The following RCSD1 variants were observed in gnomAD, a reference collection of about 807,000 sequenced individuals.
The protein encoded by RCSD1 is RCSD domain containing 1.
A neutral mutation model predicts 42.5 loss-of-function variants in RCSD1; 26 were observed. The ratio of observed to expected loss-of-function variants is 0.61; its 90% CI spans 0.45 to 0.85. The LOEUF is 0.85. RCSD1 is among the 40% of genes least tolerant of loss of function. RCSD1 has a pLI of 0.00. For missense variants in RCSD1, 571 were observed against 528.3 expected (o/e 1.08, Z -0.79); for synonymous variants, 220 against 212.2 (o/e 1.04, Z -0.32).
intron 1 of RCSD1, among the ~76,000 whole-genome samples, chr1:167,683,071 C>T (rs937528921): frequency 5.9e-5 from 9 of 152,144 alleles, no homozygotes; most frequent in African/African-American, 2.2e-4. Flanking sequence ...AAATGGTGTC[C>T]TGGGGTGCAT....
At chr1:167,659,442 G>A (rs1479935588) in intron 1 of RCSD1, among the ~76,000 whole-genome samples, 2 of 152,002 alleles carry the variant, frequency 1.3e-5, no homozygotes, top group East Asian at 3.8e-4. Context: ...ATAGTTTCTG[G>A]GAGTTTTCCC....
chr1:167,685,900 G>A lies in RCSD1; in HGVS notation c.198+390G>A, dbSNP rs557364001. 5.3e-5 allele frequency among the ~76,000 whole-genome samples: 8 copies of A among 152,290 alleles called. No individual in the cohort carries two copies. The East Asian group carries it at 1.2e-3, about 22-fold the overall frequency. On this transcript the variant is annotated intron_variant, in intron 3 of 6. Transcript: ENST00000367854. ...TGTGGAGAAGGTACCTGGAAAGGGG[G>A]CTACACTTACATAGGGCAGGACGGA...
chr1:167,699,162 G>T (rs891830210), intron 6 of RCSD1, among the ~76,000 whole-genome samples: 1 of 152,066 alleles, frequency 6.6e-6, no homozygotes, highest in South Asian at 2.1e-4. Context: ...CCATTCTCTG[G>T]ACAGCAACCA....
chr1:167,683,707 C>G (rs1659141832), intron 1 of RCSD1, among the ~76,000 whole-genome samples, 193 bp from the exon 2 acceptor site: 1 of 152,132 alleles, frequency 6.6e-6, no homozygotes, highest in Non-Finnish European at 1.5e-5. Flanking sequence ...CACCCCGGGC[C>G]AAGAGCATTG....
At chr1:167,683,079 C>T (rs577726812) in intron 1 of RCSD1, among the ~76,000 whole-genome samples, 58 of 152,318 alleles carry the variant, frequency 3.8e-4, no homozygotes, top group African/African-American at 1.3e-3. Context: ...TCCTGGGGTG[C>T]ATCTTGGCCT....
rs1659747817 is a variant in RCSD1 at position 167,705,929 on chromosome 1, T to G, written c.*1233T>G. The G allele has an allele frequency of 6.6e-6, 1 of 152,198 alleles. No individual in the cohort carries two copies. Among genetic ancestry groups the G allele is most frequent in the Non-Finnish European group, 1.5e-5 (1 of 68,044 alleles). The allele number at this position is 152,198 out of a possible 1,614,324, so 9.4% of individuals were successfully genotyped here. ...AACTTAGGGTCGGTCCTTATTCTGA[T>G]TTGAGTATTTTAATGTCTCAGTGTG... On this transcript the variant is annotated 3_prime_UTR_variant, in exon 7 of 7. Transcript: ENST00000367854.
At chr1:167,647,421 G>A (rs1371705276) in intron 1 of RCSD1, among the ~76,000 whole-genome samples, 3 of 137,684 alleles carry the variant, frequency 2.2e-5, no homozygotes, top group Admixed American at 1.4e-4. Context: ...AGACCCCATC[G>A]CTACAAAAAA....
chr1:167,691,856 G>A (rs1315047586), intron 4 of RCSD1, among the ~76,000 whole-genome samples: 1 of 152,172 alleles, frequency 6.6e-6, no homozygotes, highest in Non-Finnish European at 1.5e-5. Flanking sequence ...CACTCCAGGA[G>A]GCTGCAGGGC....
intron 4 of RCSD1, among the ~76,000 whole-genome samples, chr1:167,692,542 A>G (rs1320811302): frequency 6.6e-6 from 1 of 151,346 alleles, no homozygotes; most frequent in Non-Finnish European, 1.5e-5. Context: ...TTTTTTAGAC[A>G]AGGTCTTGCT....
intron 1 of RCSD1, among the ~76,000 whole-genome samples, chr1:167,671,168 A>G (rs1658797951): frequency 6.6e-6 from 1 of 152,204 alleles, no homozygotes; most frequent in Non-Finnish European, 1.5e-5. Context: ...TCTCATTAAT[A>G]GCCACTGAGT....
In RCSD1 at chr1:167,697,815, G is replaced by A. The variant is rs764349660; in HGVS notation, c.1191G>A (p.Gln397=). The change falls in exon 6 of 7, where the codon CAG becomes CAA. Residue 397 remains glutamine (Q), a synonymous_variant. Coordinates refer to ENST00000367854, the MANE Select transcript of RCSD1 (RefSeq NM_052862.4). ...AGCTGGAGACCAGCAGTGAGGTCCA[G>A]AGCGAGCCAGCAGTCCCCAAGCCGG... ...PAQLETSSEV[Q]SEPAVPKPED... 5 of 1,467,966 alleles carry A rather than the reference G, an allele frequency of 3.4e-6. No individual in the cohort carries two copies. The highest frequency in any genetic ancestry group is 1.8e-6 in the Non-Finnish European group (2 of 1,109,636). The allele number at this position is 1,467,966 out of a possible 1,614,324, so 90.9% of individuals were successfully genotyped here.
intron 1 of RCSD1, among the ~76,000 whole-genome samples, chr1:167,643,078 A>G (rs1014733153): frequency 2.6e-5 from 4 of 152,222 alleles, no homozygotes; most frequent in African/African-American, 9.6e-5. Context: ...TGTAAAACCG[A>G]TACCTGCTTT....
At chr1:167,683,819 C>A in intron 1 of RCSD1, 81 bp from the exon 2 acceptor site, 1 of 1,293,170 alleles carries the variant, frequency 7.7e-7, no homozygotes, top group Non-Finnish European at 1.1e-6. Flanking sequence ...AGCATTCCTG[C>A]TTGCAGCCAC....
At chr1:167,682,668 A>T (rs1489350482) in intron 1 of RCSD1, among the ~76,000 whole-genome samples, 1 of 142,618 alleles carries the variant, frequency 7.0e-6, no homozygotes, top group Non-Finnish European at 1.5e-5. Context: ...GCCATGGAAG[A>T]GTGTGTGTGT....
At chr1:167,669,566 T>C (rs1658752316) in intron 1 of RCSD1, among the ~76,000 whole-genome samples, 1 of 152,260 alleles carries the variant, frequency 6.6e-6, no homozygotes, top group Non-Finnish European at 1.5e-5. Flanking sequence ...GCAAAGTGGC[T>C]TCCTCTTTGG....
chr1:167,700,916 G>A (rs1054065187), intron 6 of RCSD1, among the ~76,000 whole-genome samples: 1 of 152,170 alleles, frequency 6.6e-6, no homozygotes, highest in African/African-American at 2.4e-5. Flanking sequence ...TTCCAATCCT[G>A]AAGGGTTGAA....
intron 1 of RCSD1, among the ~76,000 whole-genome samples, chr1:167,643,947 G>T (rs1221599170): frequency 2.0e-5 from 3 of 152,198 alleles, no homozygotes; most frequent in African/African-American, 7.2e-5. Context: ...TTCTCCTCCA[G>T]CCTGAGAGTT....
At chr1:167,666,313 T>C (rs1327509281) in intron 1 of RCSD1, among the ~76,000 whole-genome samples, 1 of 152,170 alleles carries the variant, frequency 6.6e-6, no homozygotes, top group Non-Finnish European at 1.5e-5. Flanking sequence ...AGGAGATAAT[T>C]ATGAATCCAT....
chr1:167,653,545 G>A (rs1028540468), intron 1 of RCSD1, among the ~76,000 whole-genome samples: 12 of 152,206 alleles, frequency 7.9e-5, no homozygotes, highest in African/African-American at 1.2e-4. Context: ...TTTATCCAGC[G>A]GCTGATGTCT....
Sources: gnomAD v4.1 joint callset for allele counts (sites outside exome capture counted in the v4.1 genomes callset) on GRCh38, gnomAD v4.1.1 for gene constraint, MANE v1.5 for transcripts, NCBI Gene and HGNC (gene_info 2026-07-23, HGNC 2026-07-21) for gene names.